Variants in CTSW observed in about 807,000 individuals in gnomAD.
CTSW encodes the protein cathepsin W.
In CTSW, 42 loss-of-function variants were observed where a neutral mutation model predicts 43.8. The observed-to-expected ratio is 0.96, with a 90% CI of 0.75 to 1.24. CTSW has a LOEUF of 1.24. Among genes scored for constraint, CTSW ranks in the 50% most tolerant of loss-of-function variants. The pLI is 0.00. For missense variants in CTSW, 475 were observed against 479.9 expected (o/e 0.99, Z 0.09); for synonymous variants, 191 against 184.8 (o/e 1.03, Z -0.27).
Position 65,883,375 on chromosome 11 carries a change from C to T in CTSW, c.971C>T (p.Thr324Ile). Reference sequence around the variant, plus strand: ...TCTCAGCCTCAGCCTCCACACCCCACCCCATACTGGATCCTGAAGAACTCC... The same window carrying T: ...TCTCAGCCTCAGCCTCCACACCCCATCCCATACTGGATCCTGAAGAACTCC... ...SQSQPQPPHPTPYWILKNSWG... is the reference protein window; with the variant it reads ...SQSQPQPPHPIPYWILKNSWG... Residue 324 changes from threonine (T) to isoleucine (I), a missense_variant, in exon 9 of 10, where the codon ACC becomes ATC. Coordinates refer to ENST00000307886, the MANE Select transcript of CTSW (RefSeq NM_001335.4). The T allele has an allele frequency of 1.9e-6, 3 of 1,614,114 alleles. No homozygotes were observed. The highest frequency in any genetic ancestry group is 2.5e-6 in the Non-Finnish European group (3 of 1,180,004).
At chr11:65,880,091 A>G in intron 1 of CTSW, 111 bp from the exon 2 acceptor site, 1 of 1,234,484 alleles carries the variant, frequency 8.1e-7, no homozygotes, top group Non-Finnish European at 1.2e-6. Flanking sequence ...AAGACAGAAA[A>G]GGCTAACTGG....
intron 3 of CTSW, 112 bp downstream of exon 3, chr11:65,881,632 C>A: frequency 1.4e-6 from 1 of 705,466 alleles, no homozygotes. Context: ...GAAGGAAATT[C>A]ATTTCCCTGA....
Position 65,882,414 on chromosome 11 carries a change from C to T in CTSW, c.442-16C>T, listed in dbSNP as rs760530811. ...GGCCCGAACACCTAGCCCCGCCCCA[C>T]CCTCTCGCCCTCCAGAAAAACTGCA... is the stretch of plus-strand genomic sequence containing the variant. On this transcript the variant is annotated splice_polypyrimidine_tract_variant and intron_variant, in intron 4 of 9. Transcript: ENST00000307886. 1 of 1,614,078 alleles carries T rather than the reference C, an allele frequency of 6.2e-7. No homozygotes were observed. Among genetic ancestry groups the T allele is most frequent in the Non-Finnish European group, 8.5e-7 (1 of 1,179,974 alleles).
At position 65,882,661 on chromosome 11, in the gene CTSW, G is replaced by C; in HGVS notation, c.591G>C (p.Trp197Cys). Residue 197 changes from tryptophan (W) to cysteine (C), a missense_variant, in exon 6 of 10, where the codon TGG becomes TGC. Physicochemically the swap from Trp to Cys is radical, Grantham distance 215. Transcript: ENST00000307886. ...ATGGCTGCCACGGTGGCTTCGTCTGGGACGCGTTCATAACTGTCCTCAACA... is the reference window on the plus strand; with the variant it reads ...ATGGCTGCCACGGTGGCTTCGTCTGCGACGCGTTCATAACTGTCCTCAACA... ...CGDGCHGGFVWDAFITVLNNS... is the reference protein window; with the variant it reads ...CGDGCHGGFVCDAFITVLNNS... 6.2e-7 allele frequency: 1 copy of C among 1,614,096 alleles called. No homozygotes were observed. Among genetic ancestry groups the C allele is most frequent in the Non-Finnish European group, 8.5e-7 (1 of 1,180,030 alleles).
In CTSW at chr11:65,882,788, C is replaced by T; in HGVS notation, c.629C>T (p.Ala210Val). Residue 210 changes from alanine (A) to valine (V), a missense_variant, in exon 7 of 10, where the codon GCC (alanine) becomes GTC (valine). Transcript: ENST00000307886. ...FITVLNNSGL[A>V]SEKDYPFQGK... The stretch of plus-strand genomic sequence containing the variant: ...TCTTGCTTATCTGCAGGCGGCCTGG[C>T]CAGTGAAAAGGACTACCCGTTCCAG... 6.2e-7 allele frequency: 1 copy of T among 1,614,144 alleles called. No homozygotes were observed. The highest frequency in any genetic ancestry group is 1.1e-5 in the South Asian group (1 of 91,086).
intron 2 of CTSW, among the ~76,000 whole-genome samples, chr11:65,880,912 C>T (rs1255336946): frequency 6.6e-6 from 1 of 152,178 alleles, no homozygotes; most frequent in Non-Finnish European, 1.5e-5. Flanking sequence ...CCAAGGACAC[C>T]CATTTTGTCC....
chr11:65,882,565 A>G (rs1591073283), intron 5 of CTSW, 39 bp downstream of exon 5: 2 of 1,613,986 alleles, frequency 1.2e-6, no homozygotes, highest in Non-Finnish European at 1.7e-6. Flanking sequence ...CAGGGGAGGG[A>G]GGCCTAGGGG....
intron 4 of CTSW, 49 bp from the exon 5 acceptor site, chr11:65,882,380 GA>G: frequency 6.2e-7 from 1 of 1,613,748 alleles, no homozygotes; most frequent in Non-Finnish European, 8.5e-7. Context: ...GTGGGAGGGA[GA>G]GGGGCACGGC....
rs1046218558 is a variant in CTSW at position 65,882,629 on chromosome 11, T to C, written c.559T>C (p.Cys187Arg). 24 of 1,614,010 alleles carry C rather than the reference T, an allele frequency of 1.5e-5. No homozygotes were observed. The highest frequency in any genetic ancestry group is 1.9e-5 in the Non-Finnish European group (23 of 1,180,028). Residue 187 changes from cysteine (C) to arginine (R), a missense_variant, in exon 6 of 10, where the codon TGT becomes CGT. Physicochemically the swap from Cys to Arg is radical, Grantham distance 180 (BLOSUM62 -3). Coordinates refer to ENST00000307886, the MANE Select transcript of CTSW (RefSeq NM_001335.4). ...SVQELLDCGR[C>R]GDGCHGGFVW... The stretch of plus-strand genomic sequence containing the variant: ...ACCAGAACTGCTGGACTGTGGCCGC[T>C]GTGGGGATGGCTGCCACGGTGGCTT...
In CTSW at chr11:65,880,263, A is replaced by G. The variant is rs1860089953; in HGVS notation, c.149A>G (p.Asn50Ser). ...EAFKLFQIQF[N>S]RSYLSPEEHA... ...TTCAAGTTGTTCCAGATCCAGTTCA[A>G]CCGGAGTTACCTGAGCCCAGAAGGT... The change falls in exon 2 of 10, where the codon AAC becomes AGC. Residue 50 changes from asparagine (N) to serine (S), a missense_variant. Transcript: ENST00000307886. 6.2e-7 allele frequency: 1 copy of G among 1,613,530 alleles called. No individual in the cohort carries two copies. The highest frequency in any genetic ancestry group is 8.5e-7 in the Non-Finnish European group (1 of 1,179,876).
In CTSW at chr11:65,882,793, G is replaced by A. The variant is rs1860129190; in HGVS notation, c.634G>A (p.Glu212Lys). The A allele has an allele frequency of 6.2e-7, 1 of 1,614,198 alleles. No homozygotes were observed. Among genetic ancestry groups the A allele is most frequent in the Non-Finnish European group, 8.5e-7 (1 of 1,180,038 alleles). Residue 212 changes from glutamate to lysine, a missense_variant, in exon 7 of 10, where the codon GAA (glutamate) becomes AAA (lysine). Physicochemically the swap from Glu to Lys is moderately conservative, Grantham distance 56. Transcript: ENST00000307886. ...CTTATCTGCAGGCGGCCTGGCCAGT[G>A]AAAAGGACTACCCGTTCCAGGGCAA... ...TVLNNSGLAS[E>K]KDYPFQGKVR...
chr11:65,880,109 CT>C (rs1435840818), intron 1 of CTSW, 92 bp from the exon 2 acceptor site: 1 of 1,304,574 alleles, frequency 7.7e-7, no homozygotes, highest in African/African-American at 1.5e-5. Flanking sequence ...TGGCTGACCC[CT>C]AGCCCAGTCC....
In CTSW at chr11:65,882,763, TCTTG is replaced by T; in HGVS notation, c.620-12_620-9del. 3.1e-6 allele frequency: 5 copies of T among 1,614,164 alleles called. No individual in the cohort carries two copies. The highest frequency in any genetic ancestry group is 4.2e-6 in the Non-Finnish European group (5 of 1,180,020). On this transcript the variant is annotated splice_polypyrimidine_tract_variant and intron_variant, in intron 6 of 9. Transcript: ENST00000307886. ...GGCAGGAGCGGAACCTCCTCCCTTG[TCTTG>T]CTTATCTGCAGGCGGCCTGGCCAGT...
At chr11:65,880,432 C>T in intron 2 of CTSW, 146 bp downstream of exon 2, 2 of 572,794 alleles carry the variant, frequency 3.5e-6, no homozygotes, top group Non-Finnish European at 6.3e-6. Context: ...AGCGATTCTC[C>T]TGCTTCAGCC....
At position 65,883,643 on chromosome 11, in the gene CTSW, T is replaced by C; in HGVS notation, c.*25T>C. 6.3e-7 allele frequency: 1 copy of C among 1,597,294 alleles called. No homozygotes were observed. The highest frequency in any genetic ancestry group is 1.1e-5 in the South Asian group (1 of 90,822). On this transcript the variant is annotated 3_prime_UTR_variant, in exon 10 of 10. Transcript: ENST00000307886. ...AACCCACCTGGCCCCCTCAGCTCTG[T>C]CCTGTTAGGCCAACTGCCTCCTTGC...
rs200635006 is a variant in CTSW at position 65,882,407 on chromosome 11, C to T, written c.442-23C>T. 63 of 1,613,940 alleles carry T rather than the reference C, an allele frequency of 3.9e-5. No homozygotes were observed. The East Asian group carries it at 1.1e-3, about 29-fold the overall frequency. ...GGGGCACGGCCCGAACACCTAGCCC[C>T]GCCCCACCCTCTCGCCCTCCAGAAA... is the stretch of plus-strand genomic sequence containing the variant. On this transcript the variant is annotated intron_variant, in intron 4 of 9. Transcript: ENST00000307886.
chr11:65,882,109 G>C, intron 3 of CTSW, 66 bp from the exon 4 acceptor site: 1 of 1,574,260 alleles, frequency 6.4e-7, no homozygotes, highest in Non-Finnish European at 8.7e-7. Flanking sequence ...AACAGCTGGA[G>C]TGGGAGAGGC....
At chr11:65,880,064 G>A (rs927670885) in intron 1 of CTSW, 123 bp downstream of exon 1, 3 of 1,179,060 alleles carry the variant, frequency 2.5e-6, no homozygotes, top group African/African-American at 1.5e-5. Context: ...GGGCTGACGT[G>A]CCCAAGGGCA....
intron 2 of CTSW, 38 bp downstream of exon 2, chr11:65,880,324 AC>A (rs1860090764): frequency 3.6e-6 from 5 of 1,404,776 alleles, no homozygotes; most frequent in African/African-American, 3.0e-5. Flanking sequence ...CCAAGCCCCC[AC>A]TTTTTTTTTT....
Sources: allele counts gnomAD v4.1 joint callset (sites outside exome capture counted in the v4.1 genomes callset), GRCh38; gene constraint gnomAD v4.1.1; transcripts MANE v1.5; gene names NCBI Gene and HGNC (gene_info 2026-07-23, HGNC 2026-07-21).